Variants in LAMA5 observed in about 807,000 individuals in gnomAD.
The protein encoded by LAMA5 is laminin subunit alpha-5.
A neutral mutation model predicts 433.4 loss-of-function variants in LAMA5; 260 were observed. That is an observed-to-expected ratio of 0.60 (90% confidence interval 0.54 to 0.66). The LOEUF is 0.66. Ranked by LOEUF, LAMA5 falls within the 30% of genes least tolerant of loss-of-function variation. The pLI is 0.00. For missense variants in LAMA5, 5,378 were observed against 5,258.5 expected, an observed-to-expected ratio of 1.02 and a Z score of -0.70; for synonymous variants, 2,620 against 2,226.6, an observed-to-expected ratio of 1.18 and a Z score of -4.97.
In LAMA5 at chr20:62,330,727, A is replaced by G. The variant is rs1980214784; in HGVS notation, c.3852+16T>C. 6.4e-7 allele frequency: 1 copy of G among 1,557,052 alleles called. No individual in the cohort carries two copies. The highest frequency in any genetic ancestry group is 8.7e-7 in the Non-Finnish European group (1 of 1,150,942). On this transcript the variant is annotated intron_variant, in intron 30 of 79. Coordinates refer to ENST00000252999, the MANE Select transcript of LAMA5 (RefSeq NM_005560.6). Reference sequence around the variant, plus strand: ...TGCCCTGACACCCCCGTCCCTCTAGAGACTATGGCCCTCACCTGGGGCTCA... The same window carrying G: ...TGCCCTGACACCCCCGTCCCTCTAGGGACTATGGCCCTCACCTGGGGCTCA...
chr20:62,312,868 G>A lies in LAMA5; in HGVS notation c.9078+20C>T. 6.3e-7 allele frequency: 1 copy of A among 1,599,064 alleles called. No individual in the cohort carries two copies. Among genetic ancestry groups the A allele is most frequent in the South Asian group, 1.1e-5 (1 of 89,726 alleles). On this transcript the variant is annotated intron_variant, in intron 66 of 79. Transcript: ENST00000252999. Reference sequence around the variant, plus strand: ...TTCCATCTCCTCTCCCTGCCACCCTGGTCCCCACCCTGGCCCTACCGCCTT... The same window carrying A: ...TTCCATCTCCTCTCCCTGCCACCCTAGTCCCCACCCTGGCCCTACCGCCTT...
intron 11 of LAMA5, among the ~76,000 whole-genome samples, chr20:62,342,689 AAAAAAAC>A (rs1458188776): frequency 4.2e-4 from 63 of 148,742 alleles, no homozygotes; most frequent in African/African-American, 1.6e-3. Context: ...AAACAAAAAC[AAAAAAAC>A]AAAAAAAAAA....
Position 62,333,399 on chromosome 20 carries a change from G to T in LAMA5, c.3104C>A (p.Pro1035His). 1 of 1,612,724 alleles carries T rather than the reference G, an allele frequency of 6.2e-7. No homozygotes were observed. The highest frequency in any genetic ancestry group is 8.5e-7 in the Non-Finnish European group (1 of 1,179,892). The change falls in exon 25 of 80, where the codon CCC becomes CAC. Residue 1035 changes from proline to histidine, a missense_variant. Physicochemically the swap from Pro to His is moderately conservative, Grantham distance 77. Transcript: ENST00000252999. The stretch of plus-strand genomic sequence containing the variant: ...CTTGTCGCCAGACTGCTGGGCAGAG[G>T]GACGGTATGTGCAGGCCTCAGTCAC... ...LRVTEACTYR[P>H]SAQQSGDNCL...
rs756074736 is a variant in LAMA5, at chr20:62,310,025, G to A, written c.10791C>T (p.Pro3597=). 6.2e-7 allele frequency: 1 copy of A among 1,611,424 alleles called. No homozygotes were observed. Among genetic ancestry groups the A allele is most frequent in the Non-Finnish European group, 8.5e-7 (1 of 1,179,754 alleles). The change falls in exon 78 of 80, where the codon CCC becomes CCT. Residue 3597 remains proline, a synonymous_variant. Coordinates refer to ENST00000252999, the MANE Select transcript of LAMA5 (RefSeq NM_005560.6). ...GCCACTGGCCATCACACAGCACTGAGGGGCGGGTCACTGACGTGGAGAACT... is the reference window on the plus strand; with the variant it reads ...GCCACTGGCCATCACACAGCACTGAAGGGCGGGTCACTGACGTGGAGAACT... The part of the protein sequence containing the change: ...AGEFSTSVTR[P]SVLCDGQWHR...
chr20:62,353,026 G>T, intron 3 of LAMA5, 108 bp downstream of exon 3: 1 of 756,258 alleles, frequency 1.3e-6, no homozygotes, highest in Non-Finnish European at 2.1e-6. Flanking sequence ...GCAGCCGGGT[G>T]TGAGGGCAGG....
chr20:62,330,790 TG>T lies in LAMA5; in HGVS notation c.3804del (p.Thr1269ProfsTer86), dbSNP rs1305810246. 2 of 1,561,218 alleles carry T rather than the reference TG, an allele frequency of 1.3e-6. No individual in the cohort carries two copies. Among genetic ancestry groups the T allele is most frequent in the Admixed American group, 1.9e-5 (1 of 52,794 alleles). ...GGCTCTGCATCAGGGTCCACAGCGGTGGGGGGCCGAGGTCGGGGTCCAGCTG... is the reference window on the plus strand; with the variant it reads ...GGCTCTGCATCAGGGTCCACAGCGGTGGGGGCCGAGGTCGGGGTCCAGCTG... ...MSPAGPRPRPPTAVDPDAEPT... is the reference protein window; with the variant it reads ...MSPAGPRPRPXTAVDPDAEPT... On this transcript the variant is annotated frameshift_variant, in exon 30 of 80. Coordinates refer to ENST00000252999, the MANE Select transcript of LAMA5 (RefSeq NM_005560.6). LOFTEE classifies it high-confidence loss of function.
In LAMA5 at chr20:62,310,920, C is replaced by T; in HGVS notation, c.10263G>A (p.Arg3421=). ...CCCTCACCTTGTGCCAGCGGCCAGGCCGGGAGCGCTGGCGGCTCTGGGCGC... is the reference window on the plus strand; with the variant it reads ...CCCTCACCTTGTGCCAGCGGCCAGGTCGGGAGCGCTGGCGGCTCTGGGCGC... The part of the protein sequence containing the change: ...RLRAQSRQRS[R]PGRWHKVSVR... The change falls in exon 74 of 80, where the codon CGG becomes CGA. Residue 3421 remains arginine, a synonymous_variant. Coordinates refer to ENST00000252999, the MANE Select transcript of LAMA5 (RefSeq NM_005560.6). The T allele has an allele frequency of 6.2e-7, 1 of 1,610,564 alleles. No homozygotes were observed.
chr20:62,324,598 G>T lies in LAMA5; in HGVS notation c.5530-44C>A, dbSNP rs144509672. 179 of 1,421,502 alleles carry T rather than the reference G, an allele frequency of 1.3e-4. 1 individual carries two copies. The African/African-American group carries it at 2.4e-3, about 19-fold the overall frequency. The allele number at this position is 1,421,502 out of a possible 1,614,324, so 88.1% of individuals were successfully genotyped here. A position where few individuals can be genotyped will look rare whatever the true frequency, so the allele number is the denominator to read the frequency against. On this transcript the variant is annotated intron_variant, in intron 41 of 79. Transcript: ENST00000252999. The surrounding 1 kb of genome is among the most constrained non-coding windows in gnomAD (Gnocchi z 4.4). The stretch of plus-strand genomic sequence containing the variant: ...AGGTGGCATCAGCGATTGAGAGGAC[G>T]AGGGGCCCCACCCTGCAAGCTCACA...
rs751134096 is a variant in LAMA5 at position 62,327,682 on chromosome 20, G to C, written c.4798-13C>G. On this transcript the variant is annotated splice_polypyrimidine_tract_variant and intron_variant, in intron 36 of 79. Transcript: ENST00000252999. ...CCTGCACGTTCTCCTAGGGATGAGA[G>C]GACAGTGAGAGTGGTCGGCAGGTGC... 6.2e-7 allele frequency: 1 copy of C among 1,611,558 alleles called. No homozygotes were observed. Among genetic ancestry groups the C allele is most frequent in the African/African-American group, 1.3e-5 (1 of 74,916 alleles).
chr20:62,344,222 C>A lies in LAMA5; in HGVS notation c.1477+1596G>T, dbSNP rs540544125. 1.9e-4 allele frequency among the ~76,000 whole-genome samples: 28 copies of A among 150,192 alleles called. No individual in the cohort carries two copies. The South Asian group carries it at 4.4e-3, about 24-fold the overall frequency. On this transcript the variant is annotated intron_variant, in intron 11 of 79. Transcript: ENST00000252999. ...CCCACTCACTGGGAAAGATGCCATG[C>A]TTGTATGTCCCGTCATGAAAGGGAA...
chr20:62,312,646 G>A lies in LAMA5; in HGVS notation c.9213C>T (p.Asp3071=), dbSNP rs1330406253. Residue 3071 remains aspartate, a synonymous_variant, in exon 67 of 80, where the codon GAC becomes GAT. Transcript: ENST00000252999. ...ACAGTGCTTACCTCGGGGGCAGCTG[G>A]TCGGGCGGCACGCCCCCCAGGTAGT... The part of the protein sequence containing the change: ...DAYYLGGVPP[D]QLPPSLRRLF... 6.2e-7 allele frequency: 1 copy of A among 1,606,972 alleles called. No individual in the cohort carries two copies.
At chr20:62,343,946 A>G (rs1982984777) in intron 11 of LAMA5, among the ~76,000 whole-genome samples, 1 of 151,738 alleles carries the variant, frequency 6.6e-6, no homozygotes, top group Non-Finnish European at 1.5e-5. Context: ...GGAGTTCGAG[A>G]CCAGCCTGAC....
In LAMA5 at chr20:62,325,349, C is replaced by G; in HGVS notation, c.5496G>C (p.Leu1832=). 2 of 1,600,314 alleles carry G rather than the reference C, an allele frequency of 1.2e-6. No individual in the cohort carries two copies. The highest frequency in any genetic ancestry group is 3.4e-5 in the Admixed American group (2 of 58,970). Residue 1832 remains leucine (L), a synonymous_variant, in exon 41 of 80, where the codon CTG becomes CTC. Transcript: ENST00000252999. ...GALASNVELC[L]CPASYRGDSC... ...AGTCCCCCCGGTAGCTGGCGGGGCACAGGCACAGCTCCACATTGCTGGCCA... is the reference window on the plus strand; with the variant it reads ...AGTCCCCCCGGTAGCTGGCGGGGCAGAGGCACAGCTCCACATTGCTGGCCA...
At chr20:62,315,549 G>A (rs928728687) in intron 58 of LAMA5, among the ~76,000 whole-genome samples, 1 of 151,974 alleles carries the variant, frequency 6.6e-6, no homozygotes, top group Non-Finnish European at 1.5e-5. Context: ...GAGGCACATC[G>A]TCCTCTGCTC....
At position 62,318,402 on chromosome 20, in the gene LAMA5, A is replaced by G. The variant is rs73144993; in HGVS notation, c.7239+52T>C. On this transcript the variant is annotated intron_variant, in intron 53 of 79. Coordinates refer to ENST00000252999, the MANE Select transcript of LAMA5 (RefSeq NM_005560.6). ...AGGAGCCGGAGAGGAGAGGGATTGCAGGGAGGAGGCGGGAAGAGGAGCAGG... is the reference window on the plus strand; with the variant it reads ...AGGAGCCGGAGAGGAGAGGGATTGCGGGGAGGAGGCGGGAAGAGGAGCAGG... The G allele has an allele frequency of 0.29, 403,850 of 1,404,518 alleles. 61,174 individuals carry two copies. Among genetic ancestry groups the G allele is most frequent in the Non-Finnish European group, 0.31 (313,816 of 1,027,346 alleles). 87.0% of individuals were successfully genotyped at this position (1,404,518 alleles called of 1,614,324 possible).
rs895196882 is a variant in LAMA5, at chr20:62,312,492, A to G, written c.9268T>C (p.Cys3090Arg). ...LFPTGGSVRG[C>R]VKGIKALGKY... ...CCCAGGGCCTTGATGCCTTTGACGC[A>G]GCCACGGACTGAGCCTCCGGTGGGG... Residue 3090 changes from cysteine to arginine, a missense_variant, in exon 68 of 80, where the codon TGC (cysteine) becomes CGC (arginine). Cys to Arg is a radical substitution (Grantham distance 180, BLOSUM62 -3). Coordinates refer to ENST00000252999, the MANE Select transcript of LAMA5 (RefSeq NM_005560.6). 1 of 1,598,702 alleles carries G rather than the reference A, an allele frequency of 6.3e-7. No homozygotes were observed. Among genetic ancestry groups the G allele is most frequent in the Non-Finnish European group, 8.5e-7 (1 of 1,179,684 alleles).
At chr20:62,365,663 T>A (rs936456440) in intron 1 of LAMA5, among the ~76,000 whole-genome samples, 1 of 151,878 alleles carries the variant, frequency 6.6e-6, no homozygotes, top group Admixed American at 6.6e-5. Flanking sequence ...CCCCTCTGAG[T>A]TGACCAGATA....
chr20:62,329,716 C>A, intron 32 of LAMA5, 61 bp downstream of exon 32: 1 of 1,590,012 alleles, frequency 6.3e-7, no homozygotes, highest in African/African-American at 1.3e-5. Context: ...AAGTGTACCA[C>A]AGTGGTAATG....
rs758918164 is a variant in LAMA5 at position 62,327,669 on chromosome 20, C to G, written c.4798G>C (p.Glu1600Gln). Residue 1600 changes from glutamate (E) to glutamine (Q), a missense_variant and splice_region_variant, in exon 37 of 80, where the codon GAG becomes CAG. By Grantham distance (29) the Glu-to-Gln change is conservative (BLOSUM62 2). Transcript: ENST00000252999. ...TCACATTTGGGGCCCTGCACGTTCT[C>G]CTAGGGATGAGAGGACAGTGAGAGT... ...DPLTGQCYCKENVQGPKCDQC... is the reference protein window; with the variant it reads ...DPLTGQCYCKQNVQGPKCDQC... 1.2e-6 allele frequency: 2 copies of G among 1,612,798 alleles called. No individual in the cohort carries two copies. The highest frequency in any genetic ancestry group is 1.3e-5 in the African/African-American group (1 of 75,042).
Sources: allele counts gnomAD v4.1 joint callset (sites outside exome capture counted in the v4.1 genomes callset), GRCh38; gene constraint gnomAD v4.1.1; non-coding constraint Gnocchi (gnomAD v3.1); transcripts MANE v1.5; gene names NCBI Gene and HGNC (gene_info 2026-07-23, HGNC 2026-07-21).